Variants in HSD17B12 observed in about 807,000 individuals in gnomAD.
HSD17B12 encodes hydroxysteroid 17-beta dehydrogenase 12, also known as very-long-chain 3-oxoacyl-CoA reductase.
HSD17B12 carries 32 observed loss-of-function variants against 39.3 expected under a neutral mutation model. That is an observed-to-expected ratio of 0.81 (90% confidence interval 0.61 to 1.09). The LOEUF is 1.09. Ranked by LOEUF, HSD17B12 falls within the 50% of genes least tolerant of loss-of-function variation. The pLI is 0.00. For synonymous variants in HSD17B12, 150 were observed against 146.7 expected, an observed-to-expected ratio of 1.02 and a Z score of -0.16; for missense variants, 342 against 382.9, an observed-to-expected ratio of 0.89 and a Z score of 0.89.
intron 8 of HSD17B12, 112 bp from the exon 9 acceptor site, chr11:43,839,887 G>A: frequency 1.1e-6 from 1 of 891,122 alleles, no homozygotes; most frequent in South Asian, 1.6e-5. Context: ...TGAAAAAAAT[G>A]ATGAGAAATT....
At chr11:43,588,098 T>G in the HSD17B12 span, among the ~76,000 whole-genome samples, 1 of 152,234 alleles carries the variant, frequency 6.6e-6, no homozygotes, top group South Asian at 2.1e-4. Flanking sequence ...TTTTCTTCCC[T>G]GCTTTCAGCA....
intron 6 of HSD17B12, among the ~76,000 whole-genome samples, chr11:43,820,513 C>A (rs1192608528): frequency 1.3e-5 from 2 of 152,102 alleles, no homozygotes; most frequent in African/African-American, 4.8e-5. Flanking sequence ...CTGTTTGGAG[C>A]CCTGGGGTAA....
At chr11:43,620,632 T>TA in the HSD17B12 span, among the ~76,000 whole-genome samples, 1 of 149,414 alleles carries the variant, frequency 6.7e-6, no homozygotes, top group East Asian at 1.9e-4. Context: ...TAAACCAACA[T>TA]AGGATTTCCT....
the HSD17B12 span, among the ~76,000 whole-genome samples, chr11:43,557,583 A>C: frequency 2.6e-5 from 4 of 152,224 alleles, no homozygotes; most frequent in African/African-American, 4.8e-5. Context: ...TTTAAAATAA[A>C]TGTTTCCGTT....
At chr11:43,587,339 T>C in the HSD17B12 span, among the ~76,000 whole-genome samples, 6 of 152,066 alleles carry the variant, frequency 3.9e-5, no homozygotes, top group South Asian at 1.0e-3. Context: ...AGGCATTTTA[T>C]ATACAATTTC....
chr11:43,747,460 G>T lies in HSD17B12; in HGVS notation c.161-3451G>T, dbSNP rs147213890. On this transcript the variant is annotated intron_variant, in intron 1 of 10. Coordinates refer to ENST00000278353, the MANE Select transcript of HSD17B12 (RefSeq NM_016142.3). ...GGCTTGTGGGGTGCCTGCATAAACT[G>T]CCCATAAAAATAGGGGACAATAAGT... Among the ~76,000 whole-genome samples the T allele has an allele frequency of 8.0e-3, 1,211 of 152,214 alleles. 7 individuals are homozygous for T. The highest frequency in any genetic ancestry group is 0.013 in the Admixed American group (197 of 15,290).
At chr11:43,802,340 A>G (rs1950979578) in intron 4 of HSD17B12, among the ~76,000 whole-genome samples, 2 of 152,184 alleles carry the variant, frequency 1.3e-5, no homozygotes, top group Non-Finnish European at 2.9e-5. Context: ...CTAAAATACT[A>G]TTAATATTTC....
At chr11:43,600,317 A>G in the HSD17B12 span, among the ~76,000 whole-genome samples, 406 of 145,638 alleles carry the variant, frequency 2.8e-3, 1 homozygote, top group Non-Finnish European at 4.3e-3. Context: ...CATTGTAAAC[A>G]CTTTTTTTTT....
At chr11:43,706,845 T>A (rs1332575778) in intron 1 of HSD17B12, among the ~76,000 whole-genome samples, 1 of 152,142 alleles carries the variant, frequency 6.6e-6, no homozygotes, top group African/African-American at 2.4e-5. Flanking sequence ...AGTAAAATAA[T>A]CTTAATTCTT....
intron 3 of HSD17B12, among the ~76,000 whole-genome samples, chr11:43,758,598 A>C (rs771479224): frequency 1.6e-4 from 24 of 152,194 alleles, no homozygotes; most frequent in Non-Finnish European, 2.9e-4. Context: ...AAAACTTTTT[A>C]CTGGGGCTAC....
chr11:43,841,295 T>C (rs1951423493), intron 9 of HSD17B12, among the ~76,000 whole-genome samples: 1 of 152,254 alleles, frequency 6.6e-6, no homozygotes, highest in Non-Finnish European at 1.5e-5. Flanking sequence ...CCATTTTAGA[T>C]ACATGATTTG....
At position 43,854,828 on chromosome 11, in the gene HSD17B12, A is replaced by T; in HGVS notation, c.798A>T (p.Gln266His). The change falls in exon 10 of 11, where the codon CAA becomes CAT. Residue 266 changes from glutamine to histidine, a missense_variant. Transcript: ENST00000278353. ...VKSAIKTVGL[Q>H]SRTNGYLIHA... ...CTGCAATTAAAACAGTCGGCCTGCA[A>T]TCCCGAACCAATGGATACCTGATCC... is the stretch of plus-strand genomic sequence containing the variant. The T allele has an allele frequency of 2.5e-6, 4 of 1,614,210 alleles. No homozygotes were observed.
the HSD17B12 span, among the ~76,000 whole-genome samples, chr11:43,653,518 A>T: frequency 6.6e-6 from 1 of 152,048 alleles, no homozygotes; most frequent in Non-Finnish European, 1.5e-5. Flanking sequence ...GTCATTTAGC[A>T]TTAGGTATAT....
the HSD17B12 span, among the ~76,000 whole-genome samples, chr11:43,564,763 A>G: frequency 2.0e-5 from 3 of 152,224 alleles, no homozygotes; most frequent in African/African-American, 4.8e-5. Flanking sequence ...ATTGGAACCC[A>G]TATATTTGCT....
Position 43,855,325 on chromosome 11 carries a change from G to A in HSD17B12, c.*77G>A. The A allele has an allele frequency of 3.9e-6, 3 of 762,662 alleles. No individual in the cohort carries two copies. The South Asian group carries it at 6.2e-5, about 16-fold the overall frequency. 47.2% of individuals were successfully genotyped at this position (762,662 alleles called of 1,614,324 possible). A position where few individuals can be genotyped will look rare whatever the true frequency, so the allele number is the denominator to read the frequency against. On this transcript the variant is annotated 3_prime_UTR_variant, in exon 11 of 11. Transcript: ENST00000278353. ...CACTGCAAAGCACCCTACTGGTTTT[G>A]AAAATCTGACCTTGTCATTTCAATA...
the HSD17B12 span, among the ~76,000 whole-genome samples, chr11:43,637,700 A>C: frequency 6.6e-6 from 1 of 152,296 alleles, no homozygotes; most frequent in African/African-American, 2.4e-5. Context: ...AGTTAATAGG[A>C]GACTGTTCGT....
intron 6 of HSD17B12, among the ~76,000 whole-genome samples, chr11:43,826,214 C>T (rs1158868597): frequency 2.0e-5 from 3 of 151,690 alleles, no homozygotes; most frequent in African/African-American, 7.3e-5. Flanking sequence ...TCCCGAGTAG[C>T]TGGAACTACA....
chr11:43,731,163 A>G (rs1175060597), intron 1 of HSD17B12, among the ~76,000 whole-genome samples: 2 of 151,938 alleles, frequency 1.3e-5, no homozygotes, highest in Admixed American at 6.6e-5. Context: ...CGCCCAGCTG[A>G]TATTTGTATT....
chr11:43,561,234 CTAAT>C, the HSD17B12 span, among the ~76,000 whole-genome samples: 1 of 152,184 alleles, frequency 6.6e-6, no homozygotes, highest in Admixed American at 6.5e-5. Context: ...AATAATTGTG[CTAAT>C]TATTTAGTGC....
Sources: gnomAD v4.1 joint callset for allele counts (sites outside exome capture counted in the v4.1 genomes callset) on GRCh38, gnomAD v4.1.1 for gene constraint, MANE v1.5 for transcripts, NCBI Gene and HGNC (gene_info 2026-07-23, HGNC 2026-07-21) for gene names.